Variants in KCND3 observed in about 807,000 individuals in gnomAD.
KCND3 encodes the protein A-type voltage-gated potassium channel KCND3.
KCND3 carries 9 observed loss-of-function variants against 51.1 expected under a neutral mutation model. The ratio of observed to expected loss-of-function variants is 0.18; its 90% CI spans 0.11 to 0.31. KCND3 has a LOEUF of 0.31. Ranked by LOEUF, KCND3 falls within the 10% of genes least tolerant of loss-of-function variation. The pLI, the probability that KCND3 is intolerant of heterozygous loss-of-function variation, is 1.00. For synonymous variants in KCND3, 349 were observed against 368.0 expected (o/e 0.95, Z 0.59); for missense variants, 526 against 903.8 (o/e 0.58, Z 5.36).
intron 1 of KCND3, chr1:111,988,869 A>C (rs1421146156): frequency 6.6e-6 from 1 of 152,352 alleles, no homozygotes; most frequent in Non-Finnish European, 1.5e-5. Flanking sequence ...AAGCAAGCGC[A>C]GGAATTTAGT....
chr1:111,886,682 T>C (rs936279330), intron 2 of KCND3, among the ~76,000 whole-genome samples: 12 of 152,342 alleles, frequency 7.9e-5, no homozygotes, highest in African/African-American at 2.9e-4. Flanking sequence ...ATAAGCACTT[T>C]CTCTGCATTA....
chr1:111,941,129 C>T (rs1046721466), intron 2 of KCND3, among the ~76,000 whole-genome samples: 7 of 152,082 alleles, frequency 4.6e-5, no homozygotes, highest in African/African-American at 1.7e-4. Context: ...GCAGCTGCTG[C>T]TATGTCAGGG....
At chr1:111,983,231 T>G (rs1675070974) in intron 1 of KCND3, among the ~76,000 whole-genome samples, 1 of 152,220 alleles carries the variant, frequency 6.6e-6, no homozygotes, top group Non-Finnish European at 1.5e-5. Context: ...TTTATTTCAC[T>G]CTTTCACCCA....
chr1:111,985,208 C>T (rs1675202787), intron 1 of KCND3, among the ~76,000 whole-genome samples: 1 of 152,172 alleles, frequency 6.6e-6, no homozygotes, highest in Non-Finnish European at 1.5e-5. Context: ...CTGCTGAGGG[C>T]TGATGGTGTG....
chr1:111,894,649 C>T (rs868742452), intron 2 of KCND3, among the ~76,000 whole-genome samples: 9 of 152,176 alleles, frequency 5.9e-5, no homozygotes, highest in Admixed American at 1.3e-4. Flanking sequence ...CGCTGCACCA[C>T]GGCAATGTGG....
intron 2 of KCND3, among the ~76,000 whole-genome samples, chr1:111,825,284 G>A (rs1001069756): frequency 1.3e-5 from 2 of 152,084 alleles, no homozygotes; most frequent in South Asian, 2.1e-4. Context: ...CCATATGTCC[G>A]AGGTCCAGGA....
At chr1:111,904,725 G>C (rs974851970) in intron 2 of KCND3, among the ~76,000 whole-genome samples, 2 of 152,194 alleles carry the variant, frequency 1.3e-5, no homozygotes, top group Non-Finnish European at 2.9e-5. Context: ...AGCCGCCCCT[G>C]CTTAGAGACC....
At chr1:111,819,371 T>G (rs1279760231) in intron 2 of KCND3, among the ~76,000 whole-genome samples, 1 of 149,320 alleles carries the variant, frequency 6.7e-6, no homozygotes, top group East Asian at 2.0e-4. Flanking sequence ...AGATTAGAGA[T>G]GTGAAGCCAA....
At chr1:111,890,997 G>A (rs766350366) in intron 2 of KCND3, among the ~76,000 whole-genome samples, 9 of 152,156 alleles carry the variant, frequency 5.9e-5, no homozygotes, top group African/African-American at 1.4e-4. Context: ...TTGAGGGGGC[G>A]TGGCACTGAC....
At chr1:111,969,234 G>A (rs1415472497) in intron 2 of KCND3, among the ~76,000 whole-genome samples, 1 of 152,072 alleles carries the variant, frequency 6.6e-6, no homozygotes, top group African/African-American at 2.4e-5. Flanking sequence ...CCTTCCCTTT[G>A]TCCATTCTTC....
At chr1:111,795,605 G>C (rs1365089350) in intron 2 of KCND3, among the ~76,000 whole-genome samples, 7 of 152,218 alleles carry the variant, frequency 4.6e-5, no homozygotes, top group South Asian at 2.1e-4. Context: ...TTTCTCGCTG[G>C]AGGAGGAGAG....
intron 2 of KCND3, among the ~76,000 whole-genome samples, chr1:111,804,086 C>T (rs993815487): frequency 6.6e-6 from 1 of 152,186 alleles, no homozygotes; most frequent in Non-Finnish European, 1.5e-5. Flanking sequence ...TCCCCTTGGA[C>T]CGAGGCCTTC....
chr1:111,970,714 G>A (rs1674281904), intron 2 of KCND3, among the ~76,000 whole-genome samples: 2 of 152,170 alleles, frequency 1.3e-5, no homozygotes, highest in Admixed American at 1.3e-4. Context: ...ACTACCATGT[G>A]GGAGCTTGGG....
chr1:111,956,020 C>G (rs1000917136), intron 2 of KCND3, among the ~76,000 whole-genome samples: 1 of 129,532 alleles, frequency 7.7e-6, no homozygotes, highest in Admixed American at 8.1e-5. Context: ...TTGTAATCAC[C>G]CTATGAGGAA....
chr1:111,941,556 C>G (rs1672523464), intron 2 of KCND3, among the ~76,000 whole-genome samples: 2 of 152,112 alleles, frequency 1.3e-5, no homozygotes, highest in South Asian at 4.2e-4. Flanking sequence ...CTCTCCCATC[C>G]CTTCTGGAGA....
chr1:111,955,667 G>C (rs1047650566), intron 2 of KCND3, among the ~76,000 whole-genome samples: 1 of 152,186 alleles, frequency 6.6e-6, no homozygotes, highest in Non-Finnish European at 1.5e-5. Context: ...TCTGGTATAA[G>C]GCCTGACACA....
At chr1:111,857,815 A>G (rs563243830) in intron 2 of KCND3, among the ~76,000 whole-genome samples, 5 of 151,816 alleles carry the variant, frequency 3.3e-5, no homozygotes, top group East Asian at 1.9e-4. Flanking sequence ...ATTTTTCTTA[A>G]TAGTACATTT....
chr1:111,829,172 G>A (rs1400803002), intron 2 of KCND3, among the ~76,000 whole-genome samples: 1 of 152,182 alleles, frequency 6.6e-6, no homozygotes, highest in East Asian at 1.9e-4. Flanking sequence ...TAAAGAGGAC[G>A]AACAATTATG....
chr1:111,776,923 GA>G (rs1664140197), intron 7 of KCND3, 102 bp downstream of exon 7: 2 of 1,565,512 alleles, frequency 1.3e-6, no homozygotes, highest in Admixed American at 1.9e-5. Context: ...TAGATAAGGG[GA>G]GCGGCTAGAG....
Sources: gnomAD v4.1 joint callset for allele counts (sites outside exome capture counted in the v4.1 genomes callset) on GRCh38, gnomAD v4.1.1 for gene constraint, MANE v1.5 for transcripts, NCBI Gene and HGNC (gene_info 2026-07-23, HGNC 2026-07-21) for gene names.